Variants in ARHGAP25 observed in about 807,000 individuals in gnomAD.
The protein encoded by ARHGAP25 is Rho GTPase activating protein 25.
A neutral mutation model predicts 71.0 loss-of-function variants in ARHGAP25; 34 were observed. The ratio of observed to expected loss-of-function variants is 0.48; its 90% CI spans 0.36 to 0.64. The LOEUF is 0.64. ARHGAP25 is among the 30% of genes least tolerant of loss of function. ARHGAP25 has a pLI of 0.00. For synonymous variants in ARHGAP25, 282 were observed against 296.5 expected (o/e 0.95, Z 0.50); for missense variants, 706 against 805.1 (o/e 0.88, Z 1.49).
At chr2:68,721,417 G>T (rs1288180160) in intron 2 of ARHGAP25, among the ~76,000 whole-genome samples, 7 of 152,196 alleles carry the variant, frequency 4.6e-5, no homozygotes, top group Non-Finnish European at 1.0e-4. Flanking sequence ...TGTGAAAAGG[G>T]ATGACTTAAT....
rs372978812 is a variant in ARHGAP25 at position 68,775,372 on chromosome 2, G to A, written c.213G>A (p.Arg71=). 74 of 1,614,102 alleles carry A rather than the reference G, an allele frequency of 4.6e-5. No homozygotes were observed. The highest frequency in any genetic ancestry group is 5.9e-5 in the Non-Finnish European group (70 of 1,180,054). ...KNWQQRYFVL[R]AQQLYYYKDE... Reference sequence around the variant, plus strand: ...GGCAGCAGAGGTACTTTGTGCTGAGGGCGCAGCAGCTCTACTACTACAAGG... The same window carrying A: ...GGCAGCAGAGGTACTTTGTGCTGAGAGCGCAGCAGCTCTACTACTACAAGG... The change falls in exon 2 of 11, where the codon AGG becomes AGA. Residue 71 remains arginine (R), a synonymous_variant. Coordinates refer to ENST00000409202, the MANE Select transcript of ARHGAP25 (RefSeq NM_001007231.3).
chr2:68,817,803 T>C (rs1456502256), intron 7 of ARHGAP25, 70 bp from the exon 8 acceptor site: 16 of 1,570,566 alleles, frequency 1.0e-5, no homozygotes, highest in South Asian at 7.9e-5. Flanking sequence ...TGAGTTCTCA[T>C]TGGAACCCTG....
At chr2:68,815,708 C>A (rs368765831) in intron 6 of ARHGAP25, among the ~76,000 whole-genome samples, 10 of 152,122 alleles carry the variant, frequency 6.6e-5, no homozygotes, top group Non-Finnish European at 1.0e-4. Flanking sequence ...GAAAAGCTCG[C>A]TGTCCCTCTT....
rs1355604090 is a variant in ARHGAP25, at chr2:68,826,422, G to T, written c.*228G>T. 3.1e-6 allele frequency: 2 copies of T among 649,826 alleles called. No individual in the cohort carries two copies. Among genetic ancestry groups the T allele is most frequent in the East Asian group, 5.7e-5 (2 of 35,244 alleles). The allele number at this position is 649,826 out of a possible 1,614,324, so 40.3% of individuals were successfully genotyped here. A position where few individuals can be genotyped will look rare whatever the true frequency, so the allele number is the denominator to read the frequency against. On this transcript the variant is annotated 3_prime_UTR_variant, in exon 11 of 11. Transcript: ENST00000409202. ...ATCCATCGCTGTATTCAAATGGATT[G>T]TTTTATTCCATTCTGGTCTCAGGCA...
rs374715070 is a variant in ARHGAP25, at chr2:68,782,258, C to T, written c.287C>T (p.Thr96Ile). ...PQGCMYLPGC[T>I]IKEIATNPEE... ...GGCTGCATGTATCTACCAGGATGTA[C>T]AATCAAGGAGATCGCCACAAACCCA... The change falls in exon 3 of 11, where the codon ACA becomes ATA. Residue 96 changes from threonine (T) to isoleucine (I), a missense_variant. By Grantham distance (89) the Thr-to-Ile change is moderately conservative. Coordinates refer to ENST00000409202, the MANE Select transcript of ARHGAP25 (RefSeq NM_001007231.3). The T allele has an allele frequency of 1.1e-5, 17 of 1,613,994 alleles. No individual in the cohort carries two copies. The Admixed American group carries it at 1.5e-4, about 14-fold the overall frequency.
chr2:68,711,861 C>T (rs774175671), intron 2 of ARHGAP25, among the ~76,000 whole-genome samples: 3 of 152,242 alleles, frequency 2.0e-5, no homozygotes, highest in South Asian at 2.1e-4. Flanking sequence ...TCCTTTTTTA[C>T]GGATGAATAG....
chr2:68,807,546 T>C, intron 5 of ARHGAP25, 66 bp downstream of exon 5: 1 of 1,493,252 alleles, frequency 6.7e-7, no homozygotes, highest in Non-Finnish European at 9.3e-7. Flanking sequence ...TGGGAGGGCC[T>C]CTCCATTCCA....
chr2:68,749,393 C>T (rs1167876180), intron 1 of ARHGAP25, among the ~76,000 whole-genome samples: 1 of 152,222 alleles, frequency 6.6e-6, no homozygotes, highest in Non-Finnish European at 1.5e-5. Flanking sequence ...CCTTCCCCAA[C>T]TGACTGCACC....
intron 1 of ARHGAP25, among the ~76,000 whole-genome samples, chr2:68,765,718 G>A (rs890153336): frequency 1.3e-5 from 2 of 152,132 alleles, no homozygotes; most frequent in African/African-American, 4.8e-5. Context: ...CTTTATCCAT[G>A]ATCAAATTGT....
intron 2 of ARHGAP25, among the ~76,000 whole-genome samples, chr2:68,720,421 A>C (rs1291681109): frequency 6.6e-6 from 1 of 152,110 alleles, no homozygotes; most frequent in Non-Finnish European, 1.5e-5. Context: ...CTTCTTCTTA[A>C]TTATGTAGCC....
At chr2:68,820,851 AT>A (rs1396106329) in intron 9 of ARHGAP25, among the ~76,000 whole-genome samples, 2 of 151,256 alleles carry the variant, frequency 1.3e-5, no homozygotes, top group Non-Finnish European at 2.9e-5. Context: ...AAAATGTAGT[AT>A]AATTCTCTCT....
intron 6 of ARHGAP25, among the ~76,000 whole-genome samples, chr2:68,815,473 T>C (rs1158071460): frequency 4.0e-5 from 4 of 99,446 alleles, no homozygotes; most frequent in East Asian, 7.1e-4. Context: ...TTTTTTGAGA[T>C]GGAGTTTGGC....
At chr2:68,819,414 T>C (rs777475622) in intron 9 of ARHGAP25, 95 bp downstream of exon 9, 1 of 1,300,412 alleles carries the variant, frequency 7.7e-7, no homozygotes, top group South Asian at 1.2e-5. Flanking sequence ...ATTTGGGGAG[T>C]TTTAGGTGAT....
At chr2:68,740,249 G>T (rs536509208) in intron 1 of ARHGAP25, among the ~76,000 whole-genome samples, 58 of 152,256 alleles carry the variant, frequency 3.8e-4, no homozygotes, top group African/African-American at 1.4e-3. Flanking sequence ...TAAGATCTAG[G>T]TGCAGATGTT....
At chr2:68,803,014 T>TAG (rs1680118075) in intron 4 of ARHGAP25, among the ~76,000 whole-genome samples, 8 of 150,802 alleles carry the variant, frequency 5.3e-5, no homozygotes, top group Admixed American at 6.6e-5. Flanking sequence ...CATATATATA[T>TAG]ATATAGAGAG....
At position 68,826,167 on chromosome 2, in the gene ARHGAP25, C is replaced by T. The variant is rs1356105365; in HGVS notation, c.1914C>T (p.Ser638=). 1 of 1,614,118 alleles carries T rather than the reference C, an allele frequency of 6.2e-7. No individual in the cohort carries two copies. Among genetic ancestry groups the T allele is most frequent in the Non-Finnish European group, 8.5e-7 (1 of 1,180,016 alleles). The change falls in exon 11 of 11, where the codon TCC becomes TCT. Residue 638 remains serine, a synonymous_variant. Coordinates refer to ENST00000409202, the MANE Select transcript of ARHGAP25 (RefSeq NM_001007231.3). The stretch of plus-strand genomic sequence containing the variant: ...AAGAAGTCAAGGAATTTGTCAAATC[C>T]ATGAAGGAACCCAAGACCGAGGCTT... ...LEEEVKEFVK[S]MKEPKTEA is the part of the protein sequence containing the mutation.
chr2:68,806,563 C>G (rs559065367), intron 4 of ARHGAP25, among the ~76,000 whole-genome samples: 1 of 152,308 alleles, frequency 6.6e-6, no homozygotes, highest in Non-Finnish European at 1.5e-5. Flanking sequence ...CTACGCGACT[C>G]CTGGGCAAGT....
In ARHGAP25 at chr2:68,749,680, G is replaced by A. The variant is rs568990086; in HGVS notation, c.61+14420G>A. ...TGCACTAAGTTAGTGGTTACCAAAC[G>A]TGGCTGTCCTGGGGAGGTTTAAAAA... is the stretch of plus-strand genomic sequence containing the variant. On this transcript the variant is annotated intron_variant, in intron 1 of 10. Transcript: ENST00000409202. Among the ~76,000 whole-genome samples the A allele has an allele frequency of 4.1e-4, 62 of 152,262 alleles. 1 individual carries two copies. In the Middle Eastern group the frequency reaches 0.017, roughly 42 times the overall value.
chr2:68,824,614 T>C lies in ARHGAP25; in HGVS notation c.1734-1373T>C, dbSNP rs187390390. ...AACATTAGCCAGGCATGATGGTGGGTGCCTGTAGTCCCAGCTACTCAGGAG... is the reference window on the plus strand; with the variant it reads ...AACATTAGCCAGGCATGATGGTGGGCGCCTGTAGTCCCAGCTACTCAGGAG... On this transcript the variant is annotated intron_variant, in intron 10 of 10. Coordinates refer to ENST00000409202, the MANE Select transcript of ARHGAP25 (RefSeq NM_001007231.3). Among the ~76,000 whole-genome samples the C allele has an allele frequency of 7.7e-3, 1,170 of 152,208 alleles. 8 individuals carry two copies. The highest frequency in any genetic ancestry group is 0.011 in the Non-Finnish European group (737 of 68,006).
Sources: allele counts gnomAD v4.1 joint callset (sites outside exome capture counted in the v4.1 genomes callset), GRCh38; gene constraint gnomAD v4.1.1; transcripts MANE v1.5; gene names NCBI Gene and HGNC (gene_info 2026-07-23, HGNC 2026-07-21).